The following ERVFRD-1 variants were observed in gnomAD, a reference collection of about 807,000 sequenced individuals.
The protein encoded by ERVFRD-1 is endogenous retrovirus group FRD member 1, envelope.
A neutral mutation model predicts 43.8 loss-of-function variants in ERVFRD-1; 33 were observed. The ratio of observed to expected loss-of-function variants is 0.75; its 90% CI spans 0.57 to 1.01. The LOEUF (loss-of-function observed/expected upper bound fraction) is 1.01, where lower values mean the gene tolerates loss of function less well. ERVFRD-1 is among the 50% of genes least tolerant of loss of function. The pLI is 0.00. For synonymous variants in ERVFRD-1, 239 were observed against 244.4 expected, an observed-to-expected ratio of 0.98 and a Z score of 0.21; for missense variants, 568 against 658.4, an observed-to-expected ratio of 0.86 and a Z score of 1.50.
intron 1 of ERVFRD-1, among the ~76,000 whole-genome samples, chr6:11,109,741 T>C (rs1758140921): frequency 6.6e-6 from 1 of 152,218 alleles, no homozygotes; most frequent in African/African-American, 2.4e-5. Context: ...CAGAAAAATA[T>C]TAGCCTTTTC....
rs1273516483 is a variant in ERVFRD-1 at position 11,105,301 on chromosome 6, G to C, written c.10C>G (p.Leu4Val). The change falls in exon 2 of 2, where the codon CTC becomes GTC. Residue 4 changes from leucine (L) to valine (V), a missense_variant. Physicochemically the swap from Leu to Val is conservative, Grantham distance 32. Coordinates refer to ENST00000472091, the MANE Select transcript of ERVFRD-1 (RefSeq NM_207582.3). Reference protein sequence around the residue: MGLLLLVLILTPSL... With the variant: MGLVLLVLILTPSL... ...GGCGTGAGAATGAGAACCAGCAGGA[G>C]CAGGCCCATGGTGACCTAAGAGAAA... The C allele has an allele frequency of 6.2e-7, 1 of 1,612,540 alleles. No individual in the cohort carries two copies.
intron 1 of ERVFRD-1, among the ~76,000 whole-genome samples, chr6:11,108,795 GTGTT>G (rs1457939061): frequency 1.3e-5 from 2 of 152,134 alleles, no homozygotes; most frequent in Non-Finnish European, 2.9e-5. Context: ...CTAATATCTG[GTGTT>G]GTTTGAGTTA....
chr6:11,104,135 A>G lies in ERVFRD-1; in HGVS notation c.1176T>C (p.Ile392=), dbSNP rs1398124831. The change falls in exon 2 of 2, where the codon ATT becomes ATC. Residue 392 remains isoleucine, a synonymous_variant. Coordinates refer to ENST00000472091, the MANE Select transcript of ERVFRD-1 (RefSeq NM_207582.3). The part of the protein sequence containing the change: ...SQLSKEIANN[I]DTMAKALTTM... ...TCGTTAAGGCTTTAGCCATGGTGTC[A>G]ATGTTGTTGGCTATTTCCTTTGAGA... 3 of 1,551,652 alleles carry G rather than the reference A, an allele frequency of 1.9e-6. No individual in the cohort carries two copies. The highest frequency in any genetic ancestry group is 3.9e-5 in the Admixed American group (2 of 51,002).
At position 11,103,272 on chromosome 6, in the gene ERVFRD-1, CTTCAGGTGT is replaced by C. The variant is rs1758023139; in HGVS notation, c.*413_*421del. ...TTATCAGGAAGTGGCTGATCACCAG[CTTCAGGTGT>C]TTCCTATCTATTGGGAGGCCATCGT... On this transcript the variant is annotated 3_prime_UTR_variant, in exon 2 of 2. Transcript: ENST00000472091. The C allele has an allele frequency of 5.9e-6, 1 of 168,792 alleles. No individual in the cohort carries two copies. The highest frequency in any genetic ancestry group is 2.4e-5 in the African/African-American group (1 of 41,886). 10.5% of individuals were successfully genotyped at this position (168,792 alleles called of 1,614,324 possible).
chr6:11,104,800 T>C lies in ERVFRD-1; in HGVS notation c.511A>G (p.Arg171Gly), dbSNP rs1398407044. ...GTAATATTTGGAGGTTTGGGGAATC[T>C]TGGTTGATGGCGGAATTGGTTGTGG... ...YTHNQFRHQPRFPKPPNITFP... is the reference protein window; with the variant it reads ...YTHNQFRHQPGFPKPPNITFP... Residue 171 changes from arginine (R) to glycine (G), a missense_variant, in exon 2 of 2, where the codon AGA (arginine) becomes GGA (glycine). By Grantham distance (125) the Arg-to-Gly change is moderately radical. Transcript: ENST00000472091. 1 of 1,614,214 alleles carries C rather than the reference T, an allele frequency of 6.2e-7. No individual in the cohort carries two copies.
chr6:11,107,911 G>A (rs773450111), intron 1 of ERVFRD-1, among the ~76,000 whole-genome samples: 1 of 152,168 alleles, frequency 6.6e-6, no homozygotes, highest in Non-Finnish European at 1.5e-5. Context: ...AGGATTCTTG[G>A]GCTGAATTAC....
Position 11,103,409 on chromosome 6 carries a change from C to A in ERVFRD-1, c.*285G>T. On this transcript the variant is annotated 3_prime_UTR_variant, in exon 2 of 2. Transcript: ENST00000472091. ...CTGACATTCCTGGTGAGGGGGCCCTCCCCTGCCCTGCTCATGTCTGACTAG... is the reference window on the plus strand; with the variant it reads ...CTGACATTCCTGGTGAGGGGGCCCTACCCTGCCCTGCTCATGTCTGACTAG... The A allele has an allele frequency of 2.6e-6, 1 of 379,614 alleles. No individual in the cohort carries two copies. The highest frequency in any genetic ancestry group is 4.1e-5 in the Admixed American group (1 of 24,438). 23.5% of individuals were successfully genotyped at this position (379,614 alleles called of 1,614,324 possible).
At chr6:11,108,392 A>G (rs1310660339) in intron 1 of ERVFRD-1, among the ~76,000 whole-genome samples, 2 of 152,320 alleles carry the variant, frequency 1.3e-5, no homozygotes, top group East Asian at 3.9e-4. Flanking sequence ...GGCCCCCTTC[A>G]GCTCAAGGAG....
chr6:11,102,738 C>G lies in ERVFRD-1; in HGVS notation c.*956G>C, dbSNP rs918333487. 1 of 152,182 alleles carries G rather than the reference C, an allele frequency of 6.6e-6. No homozygotes were observed. Among genetic ancestry groups the G allele is most frequent in the Admixed American group, 6.5e-5 (1 of 15,278 alleles). The allele number at this position is 152,182 out of a possible 1,614,324, so 9.4% of individuals were successfully genotyped here. On this transcript the variant is annotated 3_prime_UTR_variant, in exon 2 of 2. Transcript: ENST00000472091. Reference sequence around the variant, plus strand: ...GGTGTTAGTTTGCTTGGTGCTGGAACCTAAATGGTGGAACTGTTACCAGCA... The same window carrying G: ...GGTGTTAGTTTGCTTGGTGCTGGAAGCTAAATGGTGGAACTGTTACCAGCA...
chr6:11,109,494 G>A (rs76973921), intron 1 of ERVFRD-1, among the ~76,000 whole-genome samples: 1,941 of 152,278 alleles, frequency 0.013, 29 homozygotes, highest in Non-Finnish European at 0.022. Flanking sequence ...CTGATGAGGG[G>A]CCTTCTGAAC....
At position 11,104,923 on chromosome 6, in the gene ERVFRD-1, T is replaced by C; in HGVS notation, c.388A>G (p.Lys130Glu). The C allele has an allele frequency of 1.9e-6, 3 of 1,614,238 alleles. No individual in the cohort carries two copies. The highest frequency in any genetic ancestry group is 2.5e-6 in the Non-Finnish European group (3 of 1,180,050). ...CCTACATTTGTTCCATTTTTCCTTT[T>C]GGCCATAACACAAATAGGGGCTATT... ...MGIAPICVMA[K>E]RKNGTNVGTL... is the part of the protein sequence containing the mutation. The change falls in exon 2 of 2, where the codon AAA (lysine) becomes GAA (glutamate). Residue 130 changes from lysine (K) to glutamate (E), a missense_variant. Lys to Glu is a moderately conservative substitution (Grantham distance 56, BLOSUM62 1). Coordinates refer to ENST00000472091, the MANE Select transcript of ERVFRD-1 (RefSeq NM_207582.3).
intron 1 of ERVFRD-1, among the ~76,000 whole-genome samples, chr6:11,110,577 A>G (rs1371838572): frequency 6.6e-6 from 1 of 152,152 alleles, no homozygotes; most frequent in Non-Finnish European, 1.5e-5. Flanking sequence ...TGATTAGAGG[A>G]ATGGAGGAAA....
chr6:11,107,616 A>T (rs1056398405), intron 1 of ERVFRD-1, among the ~76,000 whole-genome samples: 3 of 152,196 alleles, frequency 2.0e-5, no homozygotes, highest in Non-Finnish European at 2.9e-5. Flanking sequence ...GGGGAGATAC[A>T]AAAGAAAGAG....
intron 1 of ERVFRD-1, among the ~76,000 whole-genome samples, chr6:11,107,192 C>T (rs1034418470): frequency 6.6e-6 from 1 of 152,180 alleles, no homozygotes; most frequent in African/African-American, 2.4e-5. Flanking sequence ...GGTTAAGTAT[C>T]TCACAACACA....
Position 11,105,553 on chromosome 6 carries a change from G to T in ERVFRD-1, c.-243C>A. 1 of 461,514 alleles carries T rather than the reference G, an allele frequency of 2.2e-6. No individual in the cohort carries two copies. Among genetic ancestry groups the T allele is most frequent in the Non-Finnish European group, 4.0e-6 (1 of 249,080 alleles). The allele number at this position is 461,514 out of a possible 1,614,324, so 28.6% of individuals were successfully genotyped here. On this transcript the variant is annotated 5_prime_UTR_variant, in exon 2 of 2. Transcript: ENST00000472091. ...TCCGGAGCTGAGGTTGCTGGTTCTG[G>T]CTCTGGAGTTTAAGGGCTTTTCCAC...
At chr6:11,107,974 G>A (rs1758111853) in intron 1 of ERVFRD-1, among the ~76,000 whole-genome samples, 1 of 152,176 alleles carries the variant, frequency 6.6e-6, no homozygotes, top group Non-Finnish European at 1.5e-5. Flanking sequence ...CCAGACCTCT[G>A]GATAAATGGG....
intron 1 of ERVFRD-1, among the ~76,000 whole-genome samples, chr6:11,108,398 A>G (rs866404965): frequency 1.0e-3 from 153 of 152,320 alleles, no homozygotes; most frequent in African/African-American, 3.5e-3. Context: ...CTTCAGCTCA[A>G]GGAGCTGAAG....
chr6:11,109,981 T>TG (rs1758144033), intron 1 of ERVFRD-1, among the ~76,000 whole-genome samples: 2 of 152,288 alleles, frequency 1.3e-5, no homozygotes, highest in East Asian at 3.9e-4. Flanking sequence ...TATGGCAGTG[T>TG]CCCCCATTCA....
intron 1 of ERVFRD-1, among the ~76,000 whole-genome samples, chr6:11,106,769 C>G (rs528333484): frequency 2.6e-5 from 4 of 152,260 alleles, no homozygotes; most frequent in Admixed American, 6.5e-5. Context: ...TCATTAGAGC[C>G]CCTTTGGTGT....
Sources: gnomAD v4.1 joint callset for allele counts (sites outside exome capture counted in the v4.1 genomes callset) on GRCh38, gnomAD v4.1.1 for gene constraint, MANE v1.5 for transcripts, NCBI Gene and HGNC (gene_info 2026-07-23, HGNC 2026-07-21) for gene names.